TPTE2: variants seen among roughly 807,000 people sequenced by gnomAD.
TPTE2 encodes the protein transmembrane phosphoinositide 3-phosphatase and tensin homolog 2.
A neutral mutation model predicts 78.6 loss-of-function variants in TPTE2; 53 were observed. That is an observed-to-expected ratio of 0.67 (90% confidence interval 0.54 to 0.85). The LOEUF (loss-of-function observed/expected upper bound fraction) is 0.85, where lower values mean the gene tolerates loss of function less well. TPTE2 is among the 40% of genes least tolerant of loss of function. The pLI is 0.00. For synonymous variants in TPTE2, 175 were observed against 206.2 expected (o/e 0.85, Z 1.30); for missense variants, 461 against 623.0 (o/e 0.74, Z 2.77).
intron 1 of TPTE2, among the ~76,000 whole-genome samples, chr13:19,532,910 T>A (rs1320549314): frequency 4.6e-5 from 7 of 152,300 alleles, no homozygotes; most frequent in East Asian, 1.9e-4. Context: ...GCAGAGTGAC[T>A]TAAAGCAGGA....
chr13:19,544,241 AC>A, the TPTE2 span, among the ~76,000 whole-genome samples: 14 of 152,064 alleles, frequency 9.2e-5, no homozygotes, highest in Non-Finnish European at 1.3e-4. Context: ...CACCTTAAAC[AC>A]AACATAGGTA....
intron 17 of TPTE2, among the ~76,000 whole-genome samples, chr13:19,428,133 C>T (rs181569599): frequency 3.3e-5 from 5 of 152,100 alleles, no homozygotes; most frequent in East Asian, 3.9e-4. Context: ...GAGAAAAAGA[C>T]GAGCAATAAC....
chr13:19,480,310 A>C (rs894710444), intron 4 of TPTE2, among the ~76,000 whole-genome samples: 8 of 152,184 alleles, frequency 5.3e-5, no homozygotes, highest in Non-Finnish European at 1.2e-4. Context: ...ATATAGGGGG[A>C]TGACATTTTC....
In TPTE2 at chr13:19,473,205, C is replaced by T. The variant is rs138303687; in HGVS notation, c.392+709G>A. ...TGCCCAAGACCTGCTGTAACCACTC[C>T]TTAGCTATTGCAGAAGTTTGCTGAA... On this transcript the variant is annotated intron_variant, in intron 6 of 19. Coordinates refer to ENST00000400230, the Ensembl canonical transcript of TPTE2. Among the ~76,000 whole-genome samples, 377 of 152,310 alleles carry T rather than the reference C, an allele frequency of 2.5e-3. 1 individual carries two copies. Among genetic ancestry groups the T allele is most frequent in the African/African-American group, 8.7e-3 (362 of 41,568 alleles).
At position 19,493,431 on chromosome 13, in the gene TPTE2, A is replaced by G; in HGVS notation, c.65+17T>C. The G allele has an allele frequency of 6.2e-7, 1 of 1,613,302 alleles. No homozygotes were observed. The highest frequency in any genetic ancestry group is 8.5e-7 in the Non-Finnish European group (1 of 1,179,390). On this transcript the variant is annotated intron_variant, in intron 2 of 19. Transcript: ENST00000400230. ...CTTATGCTGACGGGTGACTTTATTT[A>G]ACTATTTATTACTTACCTTTCTTTC...
exon 5 of TPTE2, chr13:19,475,580 C>A (rs755588769): frequency 2.5e-6 from 4 of 1,607,814 alleles, no homozygotes; most frequent in Non-Finnish European, 2.5e-6. Flanking sequence ...TACCCAAATG[C>A]AAAGGATGAT....
chr13:19,424,257 C>CA (rs1275414206), intron 19 of TPTE2, among the ~76,000 whole-genome samples: 1 of 152,170 alleles, frequency 6.6e-6, no homozygotes, highest in East Asian at 1.9e-4. Flanking sequence ...AAAAAAATCT[C>CA]AATTTTTCAC....
intron 1 of TPTE2, among the ~76,000 whole-genome samples, chr13:19,499,343 T>C (rs1356953679): frequency 6.6e-6 from 1 of 151,952 alleles, no homozygotes; most frequent in Non-Finnish European, 1.5e-5. Flanking sequence ...CAACAGAATA[T>C]ACATTCTTCT....
chr13:19,472,036 C>G (rs1170503384), intron 6 of TPTE2, among the ~76,000 whole-genome samples: 1 of 152,174 alleles, frequency 6.6e-6, no homozygotes, highest in African/African-American at 2.4e-5. Context: ...AGTCTGCTGC[C>G]AGATATATTG....
chr13:19,517,141 G>A lies in TPTE2; in HGVS notation c.-43-13864C>T, dbSNP rs114108050. 9.8e-3 allele frequency among the ~76,000 whole-genome samples: 1,495 copies of A among 152,252 alleles called. 14 individuals are homozygous for A. The highest frequency in any genetic ancestry group is 0.024 in the African/African-American group (996 of 41,556). On this transcript the variant is annotated intron_variant, in intron 1 of 17. Coordinates refer to the TPTE2 transcript ENST00000390680. ...ACCTACAGATGAGACTGCTTCCAGC[G>A]CCACTGCCAGTCAGAAGAGCCTGGG...
At chr13:19,467,201 A>C in intron 7 of TPTE2, 24 bp downstream of exon 10, 2 of 1,557,554 alleles carry the variant, frequency 1.3e-6, no homozygotes, top group Non-Finnish European at 1.7e-6. Context: ...AAACTTTAAG[A>C]GAGGTAAGTC....
At chr13:19,434,562 A>G (rs961498310) in intron 15 of TPTE2, among the ~76,000 whole-genome samples, 5 of 152,036 alleles carry the variant, frequency 3.3e-5, no homozygotes, top group African/African-American at 1.2e-4. Context: ...TATCACTTTT[A>G]GCTTAGGGTC....
intron 3 of TPTE2, among the ~76,000 whole-genome samples, chr13:19,483,553 C>G (rs1381021273): frequency 6.6e-6 from 1 of 152,002 alleles, no homozygotes; most frequent in Non-Finnish European, 1.5e-5. Flanking sequence ...CTTAATTAGT[C>G]TAGCTAATGG....
intron 10 of TPTE2, among the ~76,000 whole-genome samples, chr13:19,457,130 G>T (rs1436086948): frequency 6.6e-6 from 1 of 152,172 alleles, no homozygotes; most frequent in Non-Finnish European, 1.5e-5. Context: ...TGAAAAACAT[G>T]AAACTTGATA....
At chr13:19,551,306 C>T in the TPTE2 span, among the ~76,000 whole-genome samples, 2 of 152,158 alleles carry the variant, frequency 1.3e-5, no homozygotes, top group East Asian at 1.9e-4. Flanking sequence ...TATGAATATA[C>T]AGGCCGGGTA....
intron 7 of TPTE2, 24 bp from the exon 11 acceptor site, chr13:19,465,588 AT>A: frequency 6.4e-7 from 1 of 1,556,876 alleles, no homozygotes; most frequent in African/African-American, 1.4e-5. Context: ...TAAAAGATCC[AT>A]TTTTGCTTCA....
At chr13:19,425,494 T>C (rs565850390) in intron 18 of TPTE2, among the ~76,000 whole-genome samples, 84 of 152,302 alleles carry the variant, frequency 5.5e-4, no homozygotes, top group African/African-American at 1.2e-3. Flanking sequence ...TGACTGATCC[T>C]GATATCTGCC....
intron 4 of TPTE2, among the ~76,000 whole-genome samples, chr13:19,481,806 AT>A (rs1403537947): frequency 6.6e-6 from 1 of 152,196 alleles, no homozygotes; most frequent in African/African-American, 2.4e-5. Context: ...GCTTACAACC[AT>A]GGTGAGTTAA....
At chr13:19,475,007 A>G (rs1879844734) in intron 5 of TPTE2, among the ~76,000 whole-genome samples, 1 of 152,224 alleles carries the variant, frequency 6.6e-6, no homozygotes, top group Non-Finnish European at 1.5e-5. Context: ...TTAATATGTT[A>G]CTATTAATCT....
Sources: allele counts gnomAD v4.1 joint callset (sites outside exome capture counted in the v4.1 genomes callset), GRCh38; gene constraint gnomAD v4.1.1; transcripts MANE v1.5; gene names NCBI Gene and HGNC (gene_info 2026-07-23, HGNC 2026-07-21).